WNT5B: variants seen among roughly 807,000 people sequenced by gnomAD.
WNT5B encodes Wnt family member 5B.
WNT5B carries 18 observed loss-of-function variants against 36.5 expected under a neutral mutation model. That is an observed-to-expected ratio of 0.49 (90% CI 0.34 to 0.73). The LOEUF (loss-of-function observed/expected upper bound fraction) is 0.73. WNT5B is among the 30% of genes least tolerant of loss of function. The pLI, the probability that WNT5B is intolerant of heterozygous loss-of-function variation, is 0.01. For missense variants in WNT5B, 424 were observed against 508.4 expected (o/e 0.83, Z 1.60); for synonymous variants, 213 against 212.3 (o/e 1.00, Z -0.03).
chr12:1,635,832 C>T (rs1463213415), intron 3 of WNT5B, among the ~76,000 whole-genome samples: 1 of 152,268 alleles, frequency 6.6e-6, no homozygotes, highest in Non-Finnish European at 1.5e-5. Context: ...GTGTAACTTC[C>T]TGCCATCATT....
At chr12:1,631,033 T>A (rs566453272) in intron 1 of WNT5B, 1 of 216,030 alleles carries the variant, frequency 4.6e-6, no homozygotes, top group Non-Finnish European at 9.2e-6. Flanking sequence ...AATTACTTGT[T>A]TTCATTTCTC....
At chr12:1,623,177 G>GTTTTTTTTTTTTTTTTT (rs1565603144) in intron 1 of WNT5B, among the ~76,000 whole-genome samples, 9 of 98,258 alleles carry the variant, frequency 9.2e-5, no homozygotes, top group African/African-American at 3.8e-4. Flanking sequence ...CCTTTGAAGG[G>GTTTTTTTTTTTTTTTTT]TTTTTTGTTG....
chr12:1,639,563 C>T lies in WNT5B; in HGVS notation c.329-121C>T, dbSNP rs1412542657. The T allele has an allele frequency of 4.4e-6, 5 of 1,143,686 alleles. No individual in the cohort carries two copies. In the African/African-American group the frequency reaches 5.0e-5, roughly 11 times the overall value. 70.8% of individuals were successfully genotyped at this position (1,143,686 alleles called of 1,614,324 possible). On this transcript the variant is annotated intron_variant, in intron 3 of 4. Coordinates refer to ENST00000397196, the MANE Select transcript of WNT5B (RefSeq NM_032642.3). The stretch of plus-strand genomic sequence containing the variant: ...GCGTTAGAGCTACGGGAAGCGAAGC[C>T]CCCTGCCCCAGGGGTGTCAGCAGAG...
upstream of WNT5B, among the ~76,000 whole-genome samples, chr12:1,626,420 T>C (rs1017444115): frequency 6.6e-6 from 1 of 150,466 alleles, no homozygotes. Flanking sequence ...TGTGCCACCG[T>C]GCCTGGCTAA....
rs2094584708 is a variant in WNT5B, at chr12:1,645,970, C to A, written c.798C>A (p.Val266=). The change falls in exon 5 of 5, where the codon GTC becomes GTA. Residue 266 remains valine, a synonymous_variant. Coordinates refer to ENST00000397196, the MANE Select transcript of WNT5B (RefSeq NM_032642.3). ...CCCGCAAGGGCCGGCTGGAGCTGGT[C>A]AACAGCCGCTTCACCCAGCCCACCC... ...RVTRKGRLEL[V]NSRFTQPTPE... is the part of the protein sequence containing the mutation. 6.2e-7 allele frequency: 1 copy of A among 1,610,812 alleles called. No individual in the cohort carries two copies. Among genetic ancestry groups the A allele is most frequent in the South Asian group, 1.1e-5 (1 of 91,056 alleles).
In WNT5B at chr12:1,633,083, G is replaced by A. The variant is rs79248361; in HGVS notation, c.328+178G>A. Among the ~76,000 whole-genome samples the A allele has an allele frequency of 0.038, 5,722 of 152,278 alleles. 130 individuals carry two copies. The highest frequency in any genetic ancestry group is 0.058 in the Middle Eastern group (17 of 294). On this transcript the variant is annotated intron_variant, in intron 3 of 4. Coordinates refer to ENST00000397196, the MANE Select transcript of WNT5B (RefSeq NM_032642.3). This position sits in a 1 kb window ranked among gnomAD's most constrained non-coding sequence, Gnocchi z 4.8. ...CACACGAGGAAGCAGGCTCTGGGAG[G>A]CTGCAGAAACCACACGCTTGATGTT...
intron 4 of WNT5B, among the ~76,000 whole-genome samples, chr12:1,643,594 G>A (rs1424907552): frequency 3.3e-5 from 5 of 151,152 alleles, no homozygotes; most frequent in East Asian, 2.0e-4. Flanking sequence ...TTGAACTCCC[G>A]ACCTCAGGTG....
chr12:1,633,575 T>G lies in WNT5B; in HGVS notation c.328+670T>G, dbSNP rs898513285. ...CCACCCTATTGCTTAGATGGAGGTG[T>G]GATCTGAGGTCTAATTGTTTTAGGT... On this transcript the variant is annotated intron_variant, in intron 3 of 4. Transcript: ENST00000397196. This position sits in a 1 kb window ranked among gnomAD's most constrained non-coding sequence, Gnocchi z 4.8. 3.3e-5 allele frequency among the ~76,000 whole-genome samples: 5 copies of G among 152,134 alleles called. No homozygotes were observed. The highest frequency in any genetic ancestry group is 7.4e-5 in the Non-Finnish European group (5 of 68,026).
rs1464245242 is a variant in WNT5B, at chr12:1,632,768, T to G, written c.191T>G (p.Leu64Trp). The G allele has an allele frequency of 6.2e-7, 1 of 1,614,152 alleles. No individual in the cohort carries two copies. The highest frequency in any genetic ancestry group is 1.1e-5 in the South Asian group (1 of 91,082). ...CCTGGCCAGAGGAAGCTGTGCCAAT[T>G]GTACCAGGAGCACATGGCCTACATA... ...LSPGQRKLCQ[L>W]YQEHMAYIGE... The change falls in exon 3 of 5, where the codon TTG becomes TGG. Residue 64 changes from leucine (L) to tryptophan (W), a missense_variant. Transcript: ENST00000397196. This position sits in a 1 kb window ranked among gnomAD's most constrained non-coding sequence, Gnocchi z 5.8.
upstream of WNT5B, among the ~76,000 whole-genome samples, chr12:1,626,569 AT>A (rs1161632450): frequency 0.016 from 1,901 of 116,726 alleles, 13 homozygotes; most frequent in African/African-American, 0.027. Context: ...GGCCAAGTGT[AT>A]TTTTTTTTTT....
upstream of WNT5B, among the ~76,000 whole-genome samples, chr12:1,626,552 T>C (rs934350646): frequency 1.1e-4 from 16 of 149,650 alleles, no homozygotes; most frequent in Non-Finnish European, 2.1e-4. Context: ...CGTGAGCCAC[T>C]ACTCCAGGCC....
Position 1,623,187 on chromosome 12 carries a change from G to GTTGTT in WNT5B, c.-58+6046_-58+6047insGTTTT, listed in dbSNP as rs1555156806. On this transcript the variant is annotated intron_variant, in intron 1 of 4. Coordinates refer to the WNT5B transcript ENST00000310594. ...GGAAACCTTTGAAGGGTTTTTTGTT[G>GTTGTT]TTTTTTTTTTTTTTTTTTTTTTTTT... Among the ~76,000 whole-genome samples the GTTGTT allele has an allele frequency of 5.4e-3, 313 of 58,380 alleles. 20 individuals are homozygous for GTTGTT. The highest frequency in any genetic ancestry group is 0.022 in the African/African-American group (299 of 13,900). The allele number at this position is 58,380 out of a possible 152,430, so 38.3% of individuals were successfully genotyped here. A position where few individuals can be genotyped will look rare whatever the true frequency, so the allele number is the denominator to read the frequency against.
chr12:1,639,660 TACCGCCCTGGC>T lies in WNT5B; in HGVS notation c.329-23_329-13del. 1 of 1,486,872 alleles carries T rather than the reference TACCGCCCTGGC, an allele frequency of 6.7e-7. No individual in the cohort carries two copies. The highest frequency in any genetic ancestry group is 2.5e-5 in the East Asian group (1 of 40,632). 92.1% of individuals were successfully genotyped at this position (1,486,872 alleles called of 1,614,324 possible). ...CCCGGGAGAGGAGAGCGCACCCGCT[TACCGCCCTGGC>T]CTCATTCTGCAGGCAGCCGAGAGAC... On this transcript the variant is annotated splice_polypyrimidine_tract_variant and intron_variant, in intron 3 of 4. Coordinates refer to ENST00000397196, the MANE Select transcript of WNT5B (RefSeq NM_032642.3).
In WNT5B at chr12:1,645,763, C is replaced by T. The variant is rs761966456; in HGVS notation, c.622-31C>T. 1.4e-5 allele frequency: 22 copies of T among 1,540,974 alleles called. No homozygotes were observed. The East Asian group carries it at 2.9e-4, about 21-fold the overall frequency. On this transcript the variant is annotated intron_variant, in intron 4 of 4. Transcript: ENST00000397196. Reference sequence around the variant, plus strand: ...TCTGGGCCTCTTCCACCGGGATCCTCCTTCTTACTGCCTTCTTTCTCTTCC... The same window carrying T: ...TCTGGGCCTCTTCCACCGGGATCCTTCTTCTTACTGCCTTCTTTCTCTTCC...
rs892049511 is a variant in WNT5B, at chr12:1,632,560, C to T, written c.81-98C>T. The T allele has an allele frequency of 1.8e-5, 27 of 1,464,788 alleles. No homozygotes were observed. The highest frequency in any genetic ancestry group is 2.2e-5 in the Non-Finnish European group (24 of 1,086,794). 90.7% of individuals were successfully genotyped at this position (1,464,788 alleles called of 1,614,324 possible). ...CTTTCCAGGGCCTTGTACACAGGGACGCATTCAATAAATGTGTTGAATGAA... is the reference window on the plus strand; with the variant it reads ...CTTTCCAGGGCCTTGTACACAGGGATGCATTCAATAAATGTGTTGAATGAA... On this transcript the variant is annotated intron_variant, in intron 2 of 4. Coordinates refer to ENST00000397196, the MANE Select transcript of WNT5B (RefSeq NM_032642.3). This position sits in a 1 kb window ranked among gnomAD's most constrained non-coding sequence, Gnocchi z 5.8.
intron 3 of WNT5B, among the ~76,000 whole-genome samples, chr12:1,639,158 G>C (rs2154439734): frequency 6.6e-6 from 1 of 151,226 alleles, no homozygotes; most frequent in Non-Finnish European, 1.5e-5. Flanking sequence ...TTTTTTTTGA[G>C]ACAGAGTCTC....
At chr12:1,638,267 C>CA (rs1231076818) in intron 3 of WNT5B, among the ~76,000 whole-genome samples, 2 of 152,156 alleles carry the variant, frequency 1.3e-5, no homozygotes, top group Admixed American at 6.5e-5. Flanking sequence ...AACAAACAAA[C>CA]AAAAAAACAC....
In WNT5B at chr12:1,621,533, A is replaced by C. The variant is rs114398901; in HGVS notation, c.-58+4390A>C. Among the ~76,000 whole-genome samples, 561 of 152,238 alleles carry C rather than the reference A, an allele frequency of 3.7e-3. 2 individuals are homozygous for C. Among genetic ancestry groups the C allele is most frequent in the African/African-American group, 0.012 (511 of 41,518 alleles). ...ATGCTGAATTATCAATGGGAATACC[A>C]AATCAGATTTTTTAAAAAGTTAATT... On this transcript the variant is annotated intron_variant, in intron 1 of 4. Transcript: ENST00000310594.
chr12:1,624,212 C>T (rs936918628), intron 1 of WNT5B, among the ~76,000 whole-genome samples: 1 of 151,974 alleles, frequency 6.6e-6, no homozygotes, highest in Non-Finnish European at 1.5e-5. Flanking sequence ...CATGATGAAA[C>T]CCATCTCTAC....
Sources: gnomAD v4.1 joint callset for allele counts (sites outside exome capture counted in the v4.1 genomes callset) on GRCh38, gnomAD v4.1.1 for gene constraint, Gnocchi (gnomAD v3.1) non-coding constraint, MANE v1.5 for transcripts, NCBI Gene and HGNC (gene_info 2026-07-23, HGNC 2026-07-21) for gene names.